PRUNE2: variants seen among roughly 807,000 people sequenced by gnomAD.
PRUNE2 encodes the protein protein prune homolog 2.
In PRUNE2, 164 loss-of-function variants were observed where a neutral mutation model predicts 252.0. The observed-to-expected ratio is 0.65, with a 90% confidence interval of 0.57 to 0.74. PRUNE2 has a LOEUF of 0.74. PRUNE2 is among the 30% of genes least tolerant of loss of function. The pLI is 0.00. For synonymous variants in PRUNE2, 1,292 were observed against 1,350.2 expected, an observed-to-expected ratio of 0.96 and a Z score of 0.94; for missense variants, 3,495 against 3,711.0, an observed-to-expected ratio of 0.94 and a Z score of 1.51.
intron 1 of PRUNE2, among the ~76,000 whole-genome samples, chr9:76,870,482 G>A (rs1208381946): frequency 2.6e-5 from 4 of 151,928 alleles, no homozygotes; most frequent in Non-Finnish European, 5.9e-5. Flanking sequence ...TCAGGAGATC[G>A]AGACCATCCT....
chr9:76,858,883 G>C (rs940159512), intron 1 of PRUNE2, among the ~76,000 whole-genome samples: 2 of 152,146 alleles, frequency 1.3e-5, no homozygotes, highest in African/African-American at 2.4e-5. Flanking sequence ...CCTGAGGTGA[G>C]AGCAGGCCCA....
intron 7 of PRUNE2, 91 bp downstream of exon 7, chr9:76,713,472 A>G: frequency 9.7e-7 from 1 of 1,036,166 alleles, no homozygotes; most frequent in South Asian, 2.8e-5. Context: ...ATTGCTCATG[A>G]GCCACCAATC....
At chr9:76,781,365 C>T (rs2054375628) in intron 6 of PRUNE2, among the ~76,000 whole-genome samples, 1 of 152,230 alleles carries the variant, frequency 6.6e-6, no homozygotes, top group Admixed American at 6.5e-5. Flanking sequence ...CCTACACTCA[C>T]TATGACACAT....
At chr9:76,731,326 T>A (rs11145031) in intron 6 of PRUNE2, among the ~76,000 whole-genome samples, 2,953 of 100,730 alleles carry the variant, frequency 0.029, 45 homozygotes, top group African/African-American at 0.049. Context: ...ATATATATAT[T>A]TTTTTTTTTT....
At chr9:76,683,544 G>A (rs969155609) in intron 9 of PRUNE2, among the ~76,000 whole-genome samples, 1 of 152,134 alleles carries the variant, frequency 6.6e-6, no homozygotes, top group African/African-American at 2.4e-5. Context: ...TGACCTCACT[G>A]ATAAAACAGA....
intron 5 of PRUNE2, among the ~76,000 whole-genome samples, chr9:76,825,760 C>T (rs2058310168): frequency 6.6e-6 from 1 of 152,120 alleles, no homozygotes; most frequent in Non-Finnish European, 1.5e-5. Flanking sequence ...ACATCCTTGC[C>T]AAGCTATGCC....
intron 6 of PRUNE2, among the ~76,000 whole-genome samples, chr9:76,814,279 G>A (rs1034940214): frequency 1.4e-4 from 21 of 152,244 alleles, no homozygotes; most frequent in African/African-American, 4.6e-4. Flanking sequence ...GTGATATTCT[G>A]AGACACCTGA....
chr9:76,658,411 G>C (rs796949629), intron 9 of PRUNE2, among the ~76,000 whole-genome samples: 1 of 152,212 alleles, frequency 6.6e-6, no homozygotes, highest in East Asian at 1.9e-4. Context: ...CCCTGGGACA[G>C]AGGGAAAGCT....
At chr9:76,858,758 T>TAA (rs879425476) in intron 1 of PRUNE2, among the ~76,000 whole-genome samples, 2,663 of 123,362 alleles carry the variant, frequency 0.022, 96 homozygotes, top group African/African-American at 0.075. Context: ...AAGGTATAAT[T>TAA]AAAAAAAAAA....
intron 6 of PRUNE2, among the ~76,000 whole-genome samples, chr9:76,765,261 G>T (rs185139299): frequency 6.6e-6 from 1 of 152,250 alleles, no homozygotes; most frequent in East Asian, 1.9e-4. Flanking sequence ...CTTCCAGCAG[G>T]TGGGGGGCAT....
At chr9:76,865,325 G>A (rs940285173) in intron 1 of PRUNE2, among the ~76,000 whole-genome samples, 20 of 152,146 alleles carry the variant, frequency 1.3e-4, no homozygotes, top group Middle Eastern at 3.4e-3. Flanking sequence ...AGACCCTGCC[G>A]CTACAAAAGT....
intron 6 of PRUNE2, among the ~76,000 whole-genome samples, chr9:76,791,650 T>C (rs1040552200): frequency 2.0e-5 from 3 of 152,108 alleles, no homozygotes; most frequent in Admixed American, 6.5e-5. Flanking sequence ...AATAATACTG[T>C]ACCAATAATA....
chr9:76,874,537 C>A (rs1417069721), intron 1 of PRUNE2, among the ~76,000 whole-genome samples: 1 of 151,868 alleles, frequency 6.6e-6, no homozygotes, highest in East Asian at 1.9e-4. Context: ...GAAATGAAAA[C>A]TTAAAAAAAA....
At chr9:76,815,799 G>C (rs1305976367) in intron 6 of PRUNE2, among the ~76,000 whole-genome samples, 1 of 152,118 alleles carries the variant, frequency 6.6e-6, no homozygotes, top group African/African-American at 2.4e-5. Flanking sequence ...TGACCAATAG[G>C]TAAAGCAGAG....
intron 4 of PRUNE2, among the ~76,000 whole-genome samples, chr9:76,844,007 C>T (rs763329072): frequency 2.0e-5 from 3 of 152,168 alleles, no homozygotes; most frequent in Admixed American, 6.5e-5. Flanking sequence ...GGATTACAGG[C>T]GTGAGCCACC....
At chr9:76,879,381 A>G (rs1320025904) in intron 1 of PRUNE2, among the ~76,000 whole-genome samples, 4 of 152,216 alleles carry the variant, frequency 2.6e-5, no homozygotes, top group Non-Finnish European at 4.4e-5. Context: ...GCTATGCTAT[A>G]CTCAACAACA....
rs888267502 is a variant in PRUNE2, at chr9:76,686,478, C to T, written c.8276+16859G>A. On this transcript the variant is annotated intron_variant, in intron 9 of 18. Coordinates refer to ENST00000376718, the MANE Select transcript of PRUNE2 (RefSeq NM_015225.3). Reference sequence around the variant, plus strand: ...TATTTTTGTTTTTATTTTTTTGTGACAGGGTCTCACTCTGTCACCCAGGCA... The same window carrying T: ...TATTTTTGTTTTTATTTTTTTGTGATAGGGTCTCACTCTGTCACCCAGGCA... Among the ~76,000 whole-genome samples the T allele has an allele frequency of 4.6e-5, 7 of 151,964 alleles. No individual in the cohort carries two copies. The East Asian group carries it at 1.3e-3, about 29-fold the overall frequency.
intron 4 of PRUNE2, among the ~76,000 whole-genome samples, chr9:76,840,650 A>G (rs776542155): frequency 6.6e-6 from 1 of 152,244 alleles, no homozygotes; most frequent in Admixed American, 6.5e-5. Flanking sequence ...TGTGCATAAA[A>G]TATCGGCATT....
chr9:76,647,749 G>C (rs1257586744), intron 11 of PRUNE2, among the ~76,000 whole-genome samples: 2 of 152,130 alleles, frequency 1.3e-5, no homozygotes, highest in African/African-American at 4.8e-5. Flanking sequence ...TGGATCACGA[G>C]GTCAGGAGAT....
Sources: allele counts gnomAD v4.1 joint callset (sites outside exome capture counted in the v4.1 genomes callset), GRCh38; gene constraint gnomAD v4.1.1; transcripts MANE v1.5; gene names NCBI Gene and HGNC (gene_info 2026-07-23, HGNC 2026-07-21).